ERAP1: variants seen among roughly 807,000 people sequenced by gnomAD.
ERAP1 encodes the protein endoplasmic reticulum aminopeptidase 1, also known as adipocyte-derived leucine aminopeptidase.
ERAP1 carries 86 observed loss-of-function variants against 103.7 expected under a neutral mutation model. That is an observed-to-expected ratio of 0.83 (90% CI 0.70 to 0.99). ERAP1 has a LOEUF of 0.99. Among genes scored for constraint, ERAP1 ranks in the 50% least tolerant of loss-of-function variants. ERAP1 has a pLI of 0.00. For synonymous variants in ERAP1, 398 were observed against 402.4 expected (o/e 0.99, Z 0.13); for missense variants, 1,009 against 1,128.4 (o/e 0.89, Z 1.52).
At chr5:96,780,866 C>G (rs1344079839) in intron 17 of ERAP1, among the ~76,000 whole-genome samples, 192 bp downstream of exon 17, 1 of 152,208 alleles carries the variant, frequency 6.6e-6, no homozygotes, top group Non-Finnish European at 1.5e-5. Context: ...TGGAAAACAT[C>G]CCTGTCCAGA....
chr5:96,781,258 A>C, intron 16 of ERAP1, 60 bp from the exon 17 acceptor site: 2 of 1,535,274 alleles, frequency 1.3e-6, no homozygotes, highest in Non-Finnish European at 1.8e-6. Flanking sequence ...GTTATGAATC[A>C]CTGCAATAAA....
At chr5:96,779,707 C>G (rs548728417) in intron 18 of ERAP1, 1 of 153,932 alleles carries the variant, frequency 6.5e-6, no homozygotes, top group Non-Finnish European at 1.5e-5. Context: ...CACCACAGAA[C>G]TCAATGGCCC....
the ERAP1 span, among the ~76,000 whole-genome samples, chr5:96,888,397 C>G: frequency 1.3e-5 from 2 of 152,170 alleles, no homozygotes; most frequent in Non-Finnish European, 2.9e-5. Flanking sequence ...CCTGGGTGAT[C>G]TGGAGCAAGT....
At chr5:96,830,994 T>C in the ERAP1 span, among the ~76,000 whole-genome samples, 7 of 152,220 alleles carry the variant, frequency 4.6e-5, no homozygotes, top group South Asian at 1.2e-3. Context: ...GTGGATTTCA[T>C]ATCCTGGCTG....
chr5:96,798,654 A>G (rs761243499), intron 3 of ERAP1, among the ~76,000 whole-genome samples: 1 of 151,594 alleles, frequency 6.6e-6, no homozygotes, highest in Non-Finnish European at 1.5e-5. Flanking sequence ...ACCTCAAGAA[A>G]TCCTCTTCTT....
chr5:96,780,304 CT>C, intron 18 of ERAP1, 118 bp downstream of exon 18: 1 of 721,324 alleles, frequency 1.4e-6, no homozygotes, highest in Non-Finnish European at 2.2e-6. Flanking sequence ...CCAAAAATAA[CT>C]TCTAAATGAC....
exon 20 of ERAP1, chr5:96,762,325 A>AC (rs1242109053): frequency 6.2e-7 from 1 of 1,608,132 alleles, no homozygotes; most frequent in Admixed American, 1.7e-5. Context: ...GGTTTCCCAA[A>AC]CCCCAGCTTC....
At chr5:96,813,425 C>T in the ERAP1 span, among the ~76,000 whole-genome samples, 1 of 151,980 alleles carries the variant, frequency 6.6e-6, no homozygotes, top group African/African-American at 2.4e-5. Context: ...GAGGCCAAGG[C>T]AGGAAGATCA....
chr5:96,803,390 G>GA lies in ERAP1; in HGVS notation c.524+12dup, dbSNP rs560987565. On this transcript the variant is annotated intron_variant, in intron 2 of 18. Coordinates refer to ENST00000443439, the MANE Select transcript of ERAP1 (RefSeq NM_001040458.3). ...GCACTTGCAGTTTAAAAGAAAAAGA[G>GA]AAAAAAAAATACCTCAGTTCCCCTT... 6.1e-4 allele frequency: 963 copies of GA among 1,575,606 alleles called. 1 individual carries two copies. The highest frequency in any genetic ancestry group is 7.2e-4 in the Non-Finnish European group (831 of 1,148,920).
the ERAP1 span, chr5:96,896,522 C>A: frequency 1.2e-6 from 2 of 1,601,052 alleles, no homozygotes; most frequent in Non-Finnish European, 1.7e-6. Context: ...ATATCAGGTG[C>A]AGGTGGAAGC....
chr5:96,925,061 T>C, the ERAP1 span, among the ~76,000 whole-genome samples: 1 of 152,184 alleles, frequency 6.6e-6, no homozygotes. Context: ...CACCGAAAAC[T>C]TGGTTTGCCA....
In ERAP1 at chr5:96,775,929, TG is replaced by T. The variant is rs1774193620; in HGVS notation, c.*466del. 1 of 1,018,378 alleles carries T rather than the reference TG, an allele frequency of 9.8e-7. No individual in the cohort carries two copies. Among genetic ancestry groups the T allele is most frequent in the Non-Finnish European group, 1.2e-6 (1 of 847,454 alleles). The allele number at this position is 1,018,378 out of a possible 1,614,324, so 63.1% of individuals were successfully genotyped here. On this transcript the variant is annotated 3_prime_UTR_variant, in exon 19 of 19. Transcript: ENST00000443439. ...CTGGGCATGGAGCAAGGAAGAGGGA[TG>T]GGCAGCGGGTCTGGAGGGGTGAGCC...
the ERAP1 span, chr5:96,903,411 G>A: frequency 1.2e-6 from 2 of 1,613,550 alleles, no homozygotes; most frequent in Non-Finnish European, 1.7e-6. Context: ...CCAGTTGGGT[G>A]AAATTTAATG....
At chr5:96,884,333 G>C in the ERAP1 span, among the ~76,000 whole-genome samples, 2 of 152,102 alleles carry the variant, frequency 1.3e-5, no homozygotes, top group African/African-American at 4.8e-5. Context: ...AGAGGTCTTG[G>C]GTTGAAGCTT....
upstream of ERAP1, chr5:96,807,996 C>T (rs1778857849): frequency 1.0e-6 from 1 of 985,606 alleles, no homozygotes; most frequent in African/African-American, 1.7e-5. Flanking sequence ...GGCCCGAGCC[C>T]TAGCGGCAGG....
chr5:96,827,734 C>T, the ERAP1 span, among the ~76,000 whole-genome samples: 1 of 152,070 alleles, frequency 6.6e-6, no homozygotes, highest in Admixed American at 6.6e-5. Flanking sequence ...ATAGTAGTTT[C>T]CATTTTACTT....
At chr5:96,871,281 T>C in the ERAP1 span, among the ~76,000 whole-genome samples, 1 of 152,222 alleles carries the variant, frequency 6.6e-6, no homozygotes, top group Non-Finnish European at 1.5e-5. Context: ...ATTTGTTTCC[T>C]TCTCTCCAGG....
chr5:96,802,337 TAA>T (rs965069521), intron 2 of ERAP1, among the ~76,000 whole-genome samples: 15 of 151,918 alleles, frequency 9.9e-5, no homozygotes, highest in African/African-American at 3.4e-4. Context: ...CCCAACATAT[TAA>T]GTTAAAAAAT....
chr5:96,870,063 C>T, the ERAP1 span, among the ~76,000 whole-genome samples: 1 of 152,146 alleles, frequency 6.6e-6, no homozygotes, highest in African/African-American at 2.4e-5. Context: ...TCCAGAAATT[C>T]CCCAGGGGCA....
Sources: gnomAD v4.1 joint callset for allele counts (sites outside exome capture counted in the v4.1 genomes callset) on GRCh38, gnomAD v4.1.1 for gene constraint, MANE v1.5 for transcripts, NCBI Gene and HGNC (gene_info 2026-07-23, HGNC 2026-07-21) for gene names.